Variants in SAMSN1 observed in about 807,000 individuals in gnomAD.
The protein encoded by SAMSN1 is SAM domain-containing protein SAMSN-1.
In SAMSN1, 31 loss-of-function variants were observed where a neutral mutation model predicts 42.0. That is an observed-to-expected ratio of 0.74 (90% CI 0.55 to 1.00). SAMSN1 has a LOEUF of 1.00. Among genes scored for constraint, SAMSN1 ranks in the 50% least tolerant of loss-of-function variants. The pLI is 0.00. For missense variants in SAMSN1, 464 were observed against 439.4 expected, an observed-to-expected ratio of 1.06 and a Z score of -0.50; for synonymous variants, 178 against 151.9, an observed-to-expected ratio of 1.17 and a Z score of -1.26.
intron 2 of SAMSN1, among the ~76,000 whole-genome samples, chr21:14,554,131 TAATTTGCAGA>T (rs1980683277): frequency 6.6e-6 from 1 of 152,198 alleles, no homozygotes; most frequent in South Asian, 2.1e-4. Flanking sequence ...GCTAGATTTT[TAATTTGCAGA>T]AATGCTTTCT....
intron 2 of SAMSN1, among the ~76,000 whole-genome samples, chr21:14,556,347 A>T (rs911421761): frequency 6.6e-6 from 1 of 152,190 alleles, no homozygotes; most frequent in African/African-American, 2.4e-5. Context: ...AAATACTCCA[A>T]TTGCATGTCA....
chr21:14,557,476 C>T (rs1424485653), intron 2 of SAMSN1, among the ~76,000 whole-genome samples: 1 of 152,138 alleles, frequency 6.6e-6, no homozygotes, highest in Non-Finnish European at 1.5e-5. Flanking sequence ...TAGTGTGACC[C>T]AGGTTCCTGG....
chr21:14,587,246 C>G (rs1215447614), upstream of SAMSN1, among the ~76,000 whole-genome samples: 1 of 152,150 alleles, frequency 6.6e-6, no homozygotes, highest in African/African-American at 2.4e-5. Context: ...AAAATGTGAA[C>G]TATGTATGCT....
intron 7 of SAMSN1, 99 bp downstream of exon 7, chr21:14,498,343 T>G: frequency 6.9e-6 from 7 of 1,013,060 alleles, no homozygotes; most frequent in Non-Finnish European, 1.0e-5. Context: ...CGTGCTTTCA[T>G]GATCTCAGTA....
At chr21:14,643,209 C>T (rs537498869) in intron 1 of SAMSN1, 3 of 689,804 alleles carry the variant, frequency 4.3e-6, no homozygotes, top group Non-Finnish European at 8.0e-6. Context: ...ATTTATACAC[C>T]CACCTTTATA....
In SAMSN1 at chr21:14,499,309, C is replaced by A. The variant is rs142041697; in HGVS notation, c.769-717G>T. Among the ~76,000 whole-genome samples, 574 of 152,012 alleles carry A rather than the reference C, an allele frequency of 3.8e-3. 5 individuals are homozygous for A. The highest frequency in any genetic ancestry group is 0.013 in the African/African-American group (543 of 41,492). On this transcript the variant is annotated intron_variant, in intron 6 of 7. Transcript: ENST00000400566. ...TCAAAGTCTGTATGTTATTTTGAAA[C>A]CTCTATCCTCTCAAACAAAATAAAA...
intron 1 of SAMSN1, among the ~76,000 whole-genome samples, chr21:14,526,389 A>G (rs1219393811): frequency 6.6e-6 from 1 of 152,206 alleles, no homozygotes; most frequent in African/African-American, 2.4e-5. Flanking sequence ...CACACAGTCC[A>G]CTTGGCTTAC....
chr21:14,574,984 A>G (rs1426883265), intron 2 of SAMSN1, among the ~76,000 whole-genome samples: 1 of 152,110 alleles, frequency 6.6e-6, no homozygotes, highest in Non-Finnish European at 1.5e-5. Context: ...GAATTTTTAC[A>G]CCAAAAATTG....
intron 2 of SAMSN1, among the ~76,000 whole-genome samples, chr21:14,552,058 C>T (rs1304116241): frequency 2.0e-5 from 3 of 152,058 alleles, no homozygotes; most frequent in African/African-American, 4.8e-5. Flanking sequence ...TCAATCATTA[C>T]ATGTGTAAAA....
intron 2 of SAMSN1, among the ~76,000 whole-genome samples, chr21:14,634,207 A>AC (rs1361945537): frequency 2.6e-5 from 4 of 151,752 alleles, no homozygotes; most frequent in Admixed American, 2.0e-4. Flanking sequence ...ACTATAAAAA[A>AC]AACCCTAGAA....
At chr21:14,557,438 G>A (rs763057064) in intron 2 of SAMSN1, among the ~76,000 whole-genome samples, 17 of 152,020 alleles carry the variant, frequency 1.1e-4, no homozygotes, top group South Asian at 2.1e-4. Context: ...AGGAATTCAC[G>A]CCCCATACTT....
At chr21:14,543,925 T>G (rs539343438) in intron 1 of SAMSN1, among the ~76,000 whole-genome samples, 115 of 152,332 alleles carry the variant, frequency 7.5e-4, no homozygotes, top group Non-Finnish European at 1.2e-3. Context: ...GACCAATTTC[T>G]TGATGGTTCT....
intron 2 of SAMSN1, among the ~76,000 whole-genome samples, chr21:14,626,482 C>G (rs1054978222): frequency 3.3e-5 from 5 of 152,190 alleles, no homozygotes; most frequent in Non-Finnish European, 7.3e-5. Context: ...TATGAACAGA[C>G]ACTTCTCAAA....
chr21:14,611,962 T>A (rs1013595187), intron 4 of SAMSN1, among the ~76,000 whole-genome samples: 16 of 152,058 alleles, frequency 1.1e-4, no homozygotes, highest in African/African-American at 3.9e-4. Flanking sequence ...AGGCCAGGCA[T>A]GGTGGCTCAC....
At chr21:14,520,934 T>C (rs1978423945) in intron 2 of SAMSN1, among the ~76,000 whole-genome samples, 1 of 152,164 alleles carries the variant, frequency 6.6e-6, no homozygotes, top group Non-Finnish European at 1.5e-5. Flanking sequence ...ACAATGTGTC[T>C]GTGTGCCTAA....
At chr21:14,615,910 TA>T in intron 3 of SAMSN1, 1 of 316,692 alleles carries the variant, frequency 3.2e-6, no homozygotes. Flanking sequence ...CGAAGTCCAC[TA>T]AAAATTCACA....
At chr21:14,577,144 C>T (rs1981497351) in intron 2 of SAMSN1, among the ~76,000 whole-genome samples, 1 of 136,578 alleles carries the variant, frequency 7.3e-6, no homozygotes, top group African/African-American at 2.8e-5. Context: ...CAACCTCCAC[C>T]TCCCGGGTTC....
In SAMSN1 at chr21:14,612,844, C is replaced by T. The variant is rs1312277111; in HGVS notation, c.235+32G>A. The T allele has an allele frequency of 5.8e-6, 4 of 694,852 alleles. No individual in the cohort carries two copies. The Admixed American group carries it at 6.6e-5, about 11-fold the overall frequency. The allele number at this position is 694,852 out of a possible 1,614,324, so 43.0% of individuals were successfully genotyped here. A position where few individuals can be genotyped will look rare whatever the true frequency, so the allele number is the denominator to read the frequency against. ...GAACTTGTGGGGAGACAGAATACAT[C>T]GTTTACACTTGTAACCTTAGGAATC... On this transcript the variant is annotated intron_variant, in intron 4 of 15. Coordinates refer to the SAMSN1 transcript ENST00000647101.
chr21:14,653,359 C>T (rs1444296376), intron 1 of SAMSN1, among the ~76,000 whole-genome samples: 1 of 151,942 alleles, frequency 6.6e-6, no homozygotes, highest in Non-Finnish European at 1.5e-5. Flanking sequence ...ATAATTAGAA[C>T]TGGAGATGAT....
Sources: gnomAD v4.1 joint callset for allele counts (sites outside exome capture counted in the v4.1 genomes callset) on GRCh38, gnomAD v4.1.1 for gene constraint, MANE v1.5 for transcripts, NCBI Gene and HGNC (gene_info 2026-07-23, HGNC 2026-07-21) for gene names.